MGAT4D: variants seen among roughly 807,000 people sequenced by gnomAD.
The protein encoded by MGAT4D is alpha-1,3-mannosyl-glycoprotein 4-beta-N-acetylglucosaminyltransferase-like protein MGAT4D.
MGAT4D carries 34 observed loss-of-function variants against 15.9 expected under a neutral mutation model. The ratio of observed to expected loss-of-function variants is 2.14; its 90% CI spans 1.62 to 2.84. The LOEUF (loss-of-function observed/expected upper bound fraction) is 2.84, where lower values mean the gene tolerates loss of function less well. MGAT4D is among the 30% of genes most tolerant of loss of function. The pLI, the probability that MGAT4D is intolerant of heterozygous loss-of-function variation, is 0.00. For synonymous variants in MGAT4D, 112 were observed against 48.2 expected, an observed-to-expected ratio of 2.33 and a Z score of -5.49; for missense variants, 327 against 140.2, an observed-to-expected ratio of 2.33 and a Z score of -6.73.
intron 2 of MGAT4D, among the ~76,000 whole-genome samples, chr4:140,482,121 G>C (rs1250440613): frequency 6.6e-6 from 1 of 152,144 alleles, no homozygotes; most frequent in East Asian, 1.9e-4. Flanking sequence ...GCAATTCACG[G>C]AGCCACAAAG....
chr4:140,457,567 T>A (rs1013188878), intron 8 of MGAT4D: 17 of 152,178 alleles, frequency 1.1e-4, no homozygotes, highest in East Asian at 3.9e-4. Flanking sequence ...AAAATTCTAG[T>A]TGGCAAGCTC....
chr4:140,483,570 T>G (rs750274712), intron 1 of MGAT4D, among the ~76,000 whole-genome samples: 3 of 151,946 alleles, frequency 2.0e-5, no homozygotes, highest in African/African-American at 7.3e-5. Context: ...CAATCTTGAA[T>G]GAAAGAACAA....
chr4:140,489,097 C>T (rs7670320), intron 1 of MGAT4D, among the ~76,000 whole-genome samples: 26,918 of 151,948 alleles, frequency 0.18, 2,910 homozygotes, highest in East Asian at 0.41. Context: ...GGGGAACGTA[C>T]GTAAGTCACT....
intron 3 of MGAT4D, among the ~76,000 whole-genome samples, chr4:140,475,660 C>CAAAAAA (rs1162390812): frequency 0.012 from 622 of 52,718 alleles, 9 homozygotes; most frequent in African/African-American, 0.035. Flanking sequence ...AATAAAACTG[C>CAAAAAA]AAAAAAAAAA....
chr4:140,479,511 T>C lies in MGAT4D; in HGVS notation c.370A>G (p.Ile124Val), dbSNP rs1363130649. The C allele has an allele frequency of 2.0e-6, 1 of 512,302 alleles. No homozygotes were observed. The highest frequency in any genetic ancestry group is 3.4e-6 in the Non-Finnish European group (1 of 290,090). The allele number at this position is 512,302 out of a possible 1,614,324, so 31.7% of individuals were successfully genotyped here. The change falls in exon 3 of 11, where the codon ATT becomes GTT. Residue 124 changes from isoleucine (I) to valine (V), a missense_variant. Coordinates refer to ENST00000511113, the MANE Select transcript of MGAT4D (RefSeq NM_001277353.2). Reference sequence around the variant, plus strand: ...TTACCACCAGTTTTCCCTTTGCCAATGATTACATCAGGATAAATTCTACCT... The same window carrying C: ...TTACCACCAGTTTTCCCTTTGCCAACGATTACATCAGGATAAATTCTACCT... ...KEGRIYPDVI[I>V]GKGKTGVSFA...
At chr4:140,447,235 G>A (rs1391551229) in intron 10 of MGAT4D, among the ~76,000 whole-genome samples, 1 of 152,058 alleles carries the variant, frequency 6.6e-6, no homozygotes, top group Non-Finnish European at 1.5e-5. Flanking sequence ...TTGGTCGAGT[G>A]TTGAGTTTAG....
At chr4:140,490,807 C>T (rs1733453492) in intron 1 of MGAT4D, among the ~76,000 whole-genome samples, 1 of 152,018 alleles carries the variant, frequency 6.6e-6, no homozygotes, top group African/African-American at 2.4e-5. Context: ...CCTTTTCTTC[C>T]AAAATTTCTG....
At chr4:140,448,497 A>G (rs569452399) in intron 10 of MGAT4D, among the ~76,000 whole-genome samples, 3 of 152,306 alleles carry the variant, frequency 2.0e-5, no homozygotes, top group Middle Eastern at 3.4e-3. Context: ...TCTACTGTTA[A>G]TACTTACAAG....
intron 8 of MGAT4D, chr4:140,458,249 T>C (rs1730936858): frequency 6.6e-6 from 1 of 152,152 alleles, no homozygotes; most frequent in South Asian, 2.1e-4. Flanking sequence ...ATAAGCCAAA[T>C]GTGAGTGATA....
At chr4:140,473,978 A>C (rs1732150917) in intron 4 of MGAT4D, among the ~76,000 whole-genome samples, 1 of 152,080 alleles carries the variant, frequency 6.6e-6, no homozygotes, top group Admixed American at 6.6e-5. Context: ...CTGGAATTAC[A>C]GGCATGAACC....
At chr4:140,465,145 C>A in intron 5 of MGAT4D, 136 bp from the exon 6 acceptor site, 1 of 528,218 alleles carries the variant, frequency 1.9e-6, no homozygotes, top group Non-Finnish European at 3.4e-6. Flanking sequence ...ATACATGATA[C>A]CAGCATCATA....
At chr4:140,486,435 C>T (rs1035556690) in intron 1 of MGAT4D, among the ~76,000 whole-genome samples, 3 of 152,064 alleles carry the variant, frequency 2.0e-5, no homozygotes, top group African/African-American at 7.2e-5. Context: ...ACATGTGCTG[C>T]ACACATCAAC....
intron 3 of MGAT4D, among the ~76,000 whole-genome samples, chr4:140,475,807 C>CT (rs10711919): frequency 0.022 from 2,348 of 105,402 alleles, 61 homozygotes; most frequent in African/African-American, 0.028. Context: ...TATTGGCTTT[C>CT]TTTTTTTTTT....
intron 8 of MGAT4D, chr4:140,458,025 G>C (rs1362199255): frequency 6.6e-6 from 1 of 152,084 alleles, no homozygotes; most frequent in Non-Finnish European, 1.5e-5. Flanking sequence ...TATAATAATA[G>C]ATAAAACCAA....
intron 9 of MGAT4D, among the ~76,000 whole-genome samples, chr4:140,455,116 T>C (rs1324563901): frequency 6.6e-6 from 1 of 152,156 alleles, no homozygotes; most frequent in African/African-American, 2.4e-5. Context: ...TCTCTTCCTT[T>C]GCTTTTTATT....
chr4:140,487,859 C>T (rs1288024473), intron 1 of MGAT4D, among the ~76,000 whole-genome samples: 2 of 152,178 alleles, frequency 1.3e-5, no homozygotes, highest in Admixed American at 1.3e-4. Flanking sequence ...CTGACTACCA[C>T]ACTGGATGGC....
intron 3 of MGAT4D, among the ~76,000 whole-genome samples, chr4:140,478,623 T>C (rs1732494349): frequency 6.6e-6 from 1 of 152,126 alleles, no homozygotes; most frequent in Non-Finnish European, 1.5e-5. Flanking sequence ...ATTGTGAAGA[T>C]TAAATGAGAT....
At chr4:140,467,774 T>G (rs1231513454) in intron 5 of MGAT4D, among the ~76,000 whole-genome samples, 1 of 152,048 alleles carries the variant, frequency 6.6e-6, no homozygotes, top group South Asian at 2.1e-4. Context: ...TACCTTATAG[T>G]CATACAAGAG....
At chr4:140,475,789 C>T (rs1732276693) in intron 3 of MGAT4D, among the ~76,000 whole-genome samples, 1 of 147,576 alleles carries the variant, frequency 6.8e-6, no homozygotes, top group East Asian at 2.0e-4. Context: ...AACATATCTT[C>T]ACATGTTTAT....
Sources: allele counts gnomAD v4.1 joint callset (sites outside exome capture counted in the v4.1 genomes callset), GRCh38; gene constraint gnomAD v4.1.1; transcripts MANE v1.5; gene names NCBI Gene and HGNC (gene_info 2026-07-23, HGNC 2026-07-21).